OSBPL6: variants seen among roughly 807,000 people sequenced by gnomAD.
OSBPL6 encodes oxysterol-binding protein-related protein 6.
Under a neutral mutation model 125.8 loss-of-function variants are expected in OSBPL6, and 49 were observed. That is an observed-to-expected ratio of 0.39 (90% CI 0.31 to 0.49). The LOEUF (loss-of-function observed/expected upper bound fraction) is 0.49, where lower values mean the gene tolerates loss of function less well. Among genes scored for constraint, OSBPL6 ranks in the 20% least tolerant of loss-of-function variants. OSBPL6 has a pLI of 0.88. For missense variants in OSBPL6, 986 were observed against 1,135.4 expected, an observed-to-expected ratio of 0.87 and a Z score of 1.89; for synonymous variants, 394 against 391.8, an observed-to-expected ratio of 1.01 and a Z score of -0.07.
Position 178,331,595 on chromosome 2 carries a change from C to A in OSBPL6, c.362C>A (p.Ala121Glu). 1.2e-6 allele frequency: 2 copies of A among 1,614,024 alleles called. No homozygotes were observed. Among genetic ancestry groups the A allele is most frequent in the Non-Finnish European group, 1.7e-6 (2 of 1,179,964 alleles). ...AATGGAATGTTAAAGTATTCAAAGG[C>A]ACCACTCGATGTAAGTAGCACACAG... ...LDNGMLKYSK[A>E]PLDIQKGKVH... The change falls in exon 6 of 25, where the codon GCA becomes GAA. Residue 121 changes from alanine (A) to glutamate (E), a missense_variant. Transcript: ENST00000190611.
At chr2:178,365,476 A>T (rs971822174) in intron 13 of OSBPL6, among the ~76,000 whole-genome samples, 3 of 152,090 alleles carry the variant, frequency 2.0e-5, no homozygotes, top group Admixed American at 2.0e-4. Flanking sequence ...TGTTACTTCA[A>T]CCAGCCTGGT....
chr2:178,281,857 A>G (rs1684220056), intron 1 of OSBPL6, among the ~76,000 whole-genome samples: 4 of 152,152 alleles, frequency 2.6e-5, no homozygotes, highest in Admixed American at 2.6e-4. Flanking sequence ...GTGGGGCTTC[A>G]TACCTAGGTG....
intron 1 of OSBPL6, among the ~76,000 whole-genome samples, chr2:178,267,140 G>C (rs1016580402): frequency 6.6e-6 from 1 of 152,022 alleles, no homozygotes; most frequent in Non-Finnish European, 1.5e-5. Context: ...GGTCACCTGG[G>C]GTCAGGAGTT....
Position 178,391,123 on chromosome 2 carries a change from T to A in OSBPL6, c.2352T>A (p.Asp784Glu), listed in dbSNP as rs1385255931. ...NMNEVQGVVI[D>E]QEGKAVYRLF... The stretch of plus-strand genomic sequence containing the variant: ...ATGAAGTCCAGGGGGTGGTGATAGA[T>A]CAGGAGGGGAAGGCGGTGTACCGGC... Residue 784 changes from aspartate (D) to glutamate (E), a missense_variant, in exon 22 of 25, where the codon GAT (aspartate) becomes GAA (glutamate). Physicochemically the swap from Asp to Glu is conservative, Grantham distance 45 (BLOSUM62 2). Coordinates refer to ENST00000190611, the MANE Select transcript of OSBPL6 (RefSeq NM_032523.4). 1 of 1,613,798 alleles carries A rather than the reference T, an allele frequency of 6.2e-7. No individual in the cohort carries two copies. The highest frequency in any genetic ancestry group is 8.5e-7 in the Non-Finnish European group (1 of 1,179,896).
chr2:178,283,362 G>A (rs191114808), intron 1 of OSBPL6, among the ~76,000 whole-genome samples: 1 of 151,528 alleles, frequency 6.6e-6, no homozygotes, highest in East Asian at 1.9e-4. Flanking sequence ...GCTTGTGTGT[G>A]CATTTTTCCC....
chr2:178,272,251 G>C (rs1353338790), intron 1 of OSBPL6, among the ~76,000 whole-genome samples: 1 of 152,178 alleles, frequency 6.6e-6, no homozygotes, highest in Non-Finnish European at 1.5e-5. Context: ...TTCTGCCCAA[G>C]TAGTATCAGA....
At chr2:178,305,826 C>T (rs1046505110) in intron 2 of OSBPL6, among the ~76,000 whole-genome samples, 7 of 145,474 alleles carry the variant, frequency 4.8e-5, no homozygotes, top group African/African-American at 1.8e-4. Context: ...GATTTCTTCC[C>T]ATTTTGCTTG....
At chr2:178,290,418 G>T (rs1685137225) in intron 2 of OSBPL6, among the ~76,000 whole-genome samples, 1 of 102,722 alleles carries the variant, frequency 9.7e-6, no homozygotes, top group African/African-American at 3.2e-5. Flanking sequence ...ATACTTAATT[G>T]TAGTGGTTTT....
intron 13 of OSBPL6, among the ~76,000 whole-genome samples, chr2:178,363,348 G>A (rs1692525318): frequency 6.6e-6 from 1 of 152,148 alleles, no homozygotes; most frequent in Admixed American, 6.5e-5. Flanking sequence ...CTTATTCATT[G>A]TATTCCATTC....
chr2:178,368,289 A>G (rs1413114874), intron 13 of OSBPL6, among the ~76,000 whole-genome samples: 1 of 152,178 alleles, frequency 6.6e-6, no homozygotes, highest in Non-Finnish European at 1.5e-5. Context: ...GATGCGCAGA[A>G]AGGGGCTGTT....
At position 178,381,316 on chromosome 2, in the gene OSBPL6, G is replaced by A. The variant is rs544526932; in HGVS notation, c.1534-1104G>A. The stretch of plus-strand genomic sequence containing the variant: ...CATGCAGGGGGTGGCTTCACTTTGC[G>A]TCTCTCCCCATTGTCACAGAGGCCA... On this transcript the variant is annotated intron_variant, in intron 15 of 24. Transcript: ENST00000190611. Among the ~76,000 whole-genome samples, 9 of 152,016 alleles carry A rather than the reference G, an allele frequency of 5.9e-5. No individual in the cohort carries two copies. The East Asian group carries it at 1.4e-3, about 23-fold the overall frequency.
intron 1 of OSBPL6, among the ~76,000 whole-genome samples, chr2:178,260,846 G>A (rs1036652096): frequency 2.6e-5 from 4 of 152,142 alleles, no homozygotes; most frequent in Admixed American, 2.6e-4. Flanking sequence ...GAAATTTCAA[G>A]TTAAAAACTG....
At chr2:178,219,568 AG>A (rs1297052332) in intron 1 of OSBPL6, among the ~76,000 whole-genome samples, 2 of 152,148 alleles carry the variant, frequency 1.3e-5, no homozygotes, top group African/African-American at 4.8e-5. Flanking sequence ...GGTGTTGGGG[AG>A]GGAAACTGAA....
intron 1 of OSBPL6, among the ~76,000 whole-genome samples, chr2:178,247,800 C>T (rs1340780380): frequency 2.0e-5 from 3 of 152,180 alleles, no homozygotes; most frequent in East Asian, 3.8e-4. Context: ...CTGTCAAATC[C>T]TCTCCATGCC....
rs375511204 is a variant in OSBPL6 at position 178,312,247 on chromosome 2, C to T, written c.102+5961C>T. Among the ~76,000 whole-genome samples the T allele has an allele frequency of 5.6e-4, 84 of 150,744 alleles. No individual in the cohort carries two copies. In the East Asian group the frequency reaches 0.012, roughly 22 times the overall value. ...CACAATCTCGGCTCACTGCAACCTC[C>T]GCCTCCCGGGTTCAAGTGATTCTCC... On this transcript the variant is annotated intron_variant, in intron 3 of 24. Transcript: ENST00000190611.
intron 9 of OSBPL6, among the ~76,000 whole-genome samples, chr2:178,338,340 C>CA (rs890950343): frequency 6.6e-6 from 1 of 151,692 alleles, no homozygotes; most frequent in Non-Finnish European, 1.5e-5. Context: ...CTAAATAAAC[C>CA]AAAAAATTTA....
chr2:178,366,492 T>C (rs1380193791), intron 13 of OSBPL6, among the ~76,000 whole-genome samples: 2 of 152,138 alleles, frequency 1.3e-5, no homozygotes, highest in African/African-American at 4.8e-5. Flanking sequence ...AATTATTACA[T>C]GCATCATCAT....
chr2:178,326,110 A>AT (rs34323656), intron 4 of OSBPL6, among the ~76,000 whole-genome samples: 78,946 of 144,038 alleles, frequency 0.55, 21,600 homozygotes, highest in East Asian at 0.69. Flanking sequence ...TGGTGGAAGA[A>AT]TTTTTTTTTT....
Position 178,391,177 on chromosome 2 carries a change from C to T in OSBPL6, c.2406C>T (p.Tyr802=). 1 of 1,613,236 alleles carries T rather than the reference C, an allele frequency of 6.2e-7. No homozygotes were observed. The highest frequency in any genetic ancestry group is 1.7e-4 in the Middle Eastern group (1 of 6,054). The stretch of plus-strand genomic sequence containing the variant: ...TTGGAAAGTGGCATGAAGGACTCTA[C>T]TGTGGTGTGGCCCCCTCTGCAAAGT... ...RLFGKWHEGL[Y]CGVAPSAKCI... Residue 802 remains tyrosine, a synonymous_variant, in exon 22 of 25, where the codon TAC becomes TAT. Coordinates refer to ENST00000190611, the MANE Select transcript of OSBPL6 (RefSeq NM_032523.4).
Sources: gnomAD v4.1 joint callset for allele counts (sites outside exome capture counted in the v4.1 genomes callset) on GRCh38, gnomAD v4.1.1 for gene constraint, MANE v1.5 for transcripts, NCBI Gene and HGNC (gene_info 2026-07-23, HGNC 2026-07-21) for gene names.